RANBP2: variants seen among roughly 807,000 people sequenced by gnomAD.
RANBP2 encodes the protein RAN binding protein 2, also known as E3 SUMO-protein ligase RanBP2.
In RANBP2, 57 loss-of-function variants were observed where a neutral mutation model predicts 303.6. That is an observed-to-expected ratio of 0.19 (90% CI 0.15 to 0.23). RANBP2 has a LOEUF of 0.23. Among genes scored for constraint, RANBP2 ranks in the 10% least tolerant of loss-of-function variants. RANBP2 has a pLI of 1.00. For synonymous variants in RANBP2, 1,167 were observed against 1,301.5 expected (o/e 0.90, Z 2.23); for missense variants, 3,138 against 3,780.8 (o/e 0.83, Z 4.46).
the RANBP2 span, among the ~76,000 whole-genome samples, chr2:109,465,494 G>T: frequency 3.9e-5 from 6 of 152,264 alleles, no homozygotes; most frequent in South Asian, 1.2e-3. Flanking sequence ...AGCATTCAGT[G>T]TTGTCACTGT....
chr2:109,565,920 A>T, the RANBP2 span: 1 of 1,350,062 alleles, frequency 7.4e-7, no homozygotes, highest in Non-Finnish European at 1.1e-6. Flanking sequence ...AGATAAAATA[A>T]ATTTTATGTG....
the RANBP2 span, among the ~76,000 whole-genome samples, chr2:108,994,451 C>CT: frequency 6.6e-6 from 1 of 152,124 alleles, no homozygotes; most frequent in South Asian, 2.1e-4. Flanking sequence ...AATACTAAAT[C>CT]TTTTTTACGA....
the RANBP2 span, among the ~76,000 whole-genome samples, chr2:109,626,543 A>C: frequency 6.6e-6 from 1 of 152,164 alleles, no homozygotes; most frequent in Non-Finnish European, 1.5e-5. Flanking sequence ...TTAACACACC[A>C]GACAGAACTG....
the RANBP2 span, among the ~76,000 whole-genome samples, chr2:109,448,996 G>T: frequency 6.6e-6 from 1 of 152,174 alleles, no homozygotes; most frequent in Non-Finnish European, 1.5e-5. Flanking sequence ...GCATTTTCAG[G>T]GTTTCTTGGC....
chr2:109,469,050 G>A, the RANBP2 span, among the ~76,000 whole-genome samples: 1 of 151,544 alleles, frequency 6.6e-6, no homozygotes, highest in Admixed American at 6.6e-5. Context: ...GTGGGAGCAG[G>A]GCCAGGCATG....
chr2:109,244,147 A>G, the RANBP2 span, among the ~76,000 whole-genome samples: 1 of 151,980 alleles, frequency 6.6e-6, no homozygotes, highest in Non-Finnish European at 1.5e-5. Flanking sequence ...CTCTGTAGCT[A>G]TTTTTTTTGT....
chr2:109,121,074 G>GT, the RANBP2 span, among the ~76,000 whole-genome samples: 1 of 152,036 alleles, frequency 6.6e-6, no homozygotes, highest in Non-Finnish European at 1.5e-5. Context: ...GTGAAACCCC[G>GT]TCTCTACTAA....
intron 22 of RANBP2, 70 bp from the exon 23 acceptor site, chr2:108,772,798 T>C: frequency 6.6e-7 from 1 of 1,506,600 alleles, no homozygotes; most frequent in Non-Finnish European, 9.1e-7. Context: ...ATTATGTTGA[T>C]GACTACCATT....
chr2:109,696,517 T>A, the RANBP2 span, among the ~76,000 whole-genome samples: 1 of 152,354 alleles, frequency 6.6e-6, no homozygotes, highest in East Asian at 1.9e-4. Flanking sequence ...TTTACATGCC[T>A]ACTCTAATGC....
the RANBP2 span, among the ~76,000 whole-genome samples, chr2:109,433,931 G>A: frequency 1.3e-5 from 2 of 152,228 alleles, no homozygotes. Flanking sequence ...TACTTAGAGG[G>A]TGAGCTGCCC....
the RANBP2 span, among the ~76,000 whole-genome samples, chr2:109,673,710 A>C: frequency 6.6e-6 from 1 of 152,092 alleles, no homozygotes; most frequent in African/African-American, 2.4e-5. Context: ...CTAAAAATAC[A>C]AAAATTAGCT....
At chr2:108,723,434 C>T (rs1694442870) in intron 1 of RANBP2, among the ~76,000 whole-genome samples, 3 of 152,024 alleles carry the variant, frequency 2.0e-5, no homozygotes, top group South Asian at 2.1e-4. Flanking sequence ...GCCACCACAC[C>T]CGGCTAATTT....
At chr2:109,466,316 C>T in the RANBP2 span, among the ~76,000 whole-genome samples, 2 of 152,048 alleles carry the variant, frequency 1.3e-5, no homozygotes, top group East Asian at 1.9e-4. Flanking sequence ...CTCCTGACCT[C>T]GTGACCTGCC....
chr2:109,095,501 G>A, the RANBP2 span, among the ~76,000 whole-genome samples: 3 of 152,180 alleles, frequency 2.0e-5, no homozygotes, highest in South Asian at 2.1e-4. Context: ...GAAGGTTTAA[G>A]CAAGGTGAAA....
chr2:108,910,988 A>G, the RANBP2 span: 2 of 1,614,124 alleles, frequency 1.2e-6, no homozygotes, highest in Non-Finnish European at 1.7e-6. Context: ...GAACATGATG[A>G]TGAGGACGAT....
the RANBP2 span, among the ~76,000 whole-genome samples, chr2:109,051,381 CAA>C: frequency 6.6e-6 from 1 of 152,158 alleles, no homozygotes; most frequent in Non-Finnish European, 1.5e-5. Flanking sequence ...AACAGTTGAT[CAA>C]AATGTTTAGC....
the RANBP2 span, among the ~76,000 whole-genome samples, chr2:109,455,432 A>G: frequency 6.6e-6 from 1 of 152,232 alleles, no homozygotes; most frequent in Non-Finnish European, 1.5e-5. Context: ...ATGACCCATA[A>G]TGACAGCAGC....
the RANBP2 span, among the ~76,000 whole-genome samples, chr2:109,177,003 G>A: frequency 6.6e-6 from 1 of 152,154 alleles, no homozygotes; most frequent in Non-Finnish European, 1.5e-5. Context: ...GCACTGGGGT[G>A]AGCAGGCTTT....
the RANBP2 span, among the ~76,000 whole-genome samples, chr2:109,108,010 A>T: frequency 1.3e-5 from 2 of 152,192 alleles, no homozygotes; most frequent in African/African-American, 4.8e-5. Flanking sequence ...GGTTCATGCC[A>T]TTCTCCTGCC....
Sources: gnomAD v4.1 joint callset for allele counts (sites outside exome capture counted in the v4.1 genomes callset) on GRCh38, gnomAD v4.1.1 for gene constraint, MANE v1.5 for transcripts, NCBI Gene and HGNC (gene_info 2026-07-23, HGNC 2026-07-21) for gene names.